The following SLC26A5 variants were observed in gnomAD, a reference collection of about 807,000 sequenced individuals.
SLC26A5 encodes the protein prestin.
SLC26A5 carries 51 observed loss-of-function variants against 81.0 expected under a neutral mutation model. That is an observed-to-expected ratio of 0.63 (90% CI 0.50 to 0.80). SLC26A5 has a LOEUF of 0.80. Among genes scored for constraint, SLC26A5 ranks in the 30% least tolerant of loss-of-function variants. SLC26A5 has a pLI of 0.00. For missense variants in SLC26A5, 771 were observed against 905.8 expected (o/e 0.85, Z 1.91); for synonymous variants, 325 against 332.8 (o/e 0.98, Z 0.25).
At position 103,416,854 on chromosome 7, in the gene SLC26A5, C is replaced by T. The variant is rs1418567269; in HGVS notation, c.293-3742G>A. Among the ~76,000 whole-genome samples, 8 of 152,244 alleles carry T rather than the reference C, an allele frequency of 5.3e-5. No individual in the cohort carries two copies. The South Asian group carries it at 6.2e-4, about 12-fold the overall frequency. On this transcript the variant is annotated intron_variant, in intron 4 of 19. Transcript: ENST00000306312. ...AGATAAGAGCATACTTTCACTCTGA[C>T]ATGCTTAACACAAAATCTTTTTGGT...
rs186902393 is a variant in SLC26A5 at position 103,437,573 on chromosome 7, C to T, written c.-54+5510G>A. 7.2e-4 allele frequency among the ~76,000 whole-genome samples: 109 copies of T among 152,194 alleles called. 1 individual carries two copies. The highest frequency in any genetic ancestry group is 2.6e-3 in the African/African-American group (106 of 41,532). The stretch of plus-strand genomic sequence containing the variant: ...ATGAATGAATAAAGAAAATGTGGTA[C>T]ATAGACACAGTGAAATATGATTCAG... On this transcript the variant is annotated intron_variant, in intron 2 of 19. Transcript: ENST00000306312.
rs530956454 is a variant in SLC26A5 at position 103,412,935 on chromosome 7, C to A, written c.403+67G>T. The A allele has an allele frequency of 2.0e-4, 231 of 1,146,982 alleles. No individual in the cohort carries two copies. The African/African-American group carries it at 3.1e-3, about 15-fold the overall frequency. 71.1% of individuals were successfully genotyped at this position (1,146,982 alleles called of 1,614,324 possible). On this transcript the variant is annotated intron_variant, in intron 5 of 19. Transcript: ENST00000306312. ...ATTTTTAATAATGACCATGCTATTT[C>A]TTTGGCACATTGCAAGGTTGGAAAT...
chr7:103,381,369 C>T (rs1163031466), intron 14 of SLC26A5, among the ~76,000 whole-genome samples: 2 of 150,804 alleles, frequency 1.3e-5, no homozygotes, highest in Admixed American at 1.3e-4. Context: ...CCCCACATAT[C>T]ACATACATAC....
At chr7:103,386,437 C>T (rs1441974403) in intron 14 of SLC26A5, among the ~76,000 whole-genome samples, 1 of 151,644 alleles carries the variant, frequency 6.6e-6, no homozygotes, top group Non-Finnish European at 1.5e-5. Flanking sequence ...CGTGGTGGCA[C>T]GCGCCTGTAG....
rs2116460710 is a variant in SLC26A5, at chr7:103,389,354, A to G, written c.1382T>C (p.Phe461Ser). The change falls in exon 13 of 20, where the codon TTC (phenylalanine) becomes TCC (serine). Residue 461 changes from phenylalanine to serine, a missense_variant. By Grantham distance (155) the Phe-to-Ser change is radical. Transcript: ENST00000306312. ...MFMQFSDLPFFWRTSKIELTI... is the reference protein window; with the variant it reads ...MFMQFSDLPFSWRTSKIELTI... ...CAGCTCTATTTTGCTGGTTCTCCAG[A>G]AAAAGGGGAGATCTGAGAACTGCAT... is the stretch of plus-strand genomic sequence containing the variant. The G allele has an allele frequency of 1.9e-6, 3 of 1,613,696 alleles. No individual in the cohort carries two copies. Among genetic ancestry groups the G allele is most frequent in the East Asian group, 4.5e-5 (2 of 44,882 alleles).
chr7:103,435,606 T>C (rs1305068061), intron 2 of SLC26A5, among the ~76,000 whole-genome samples: 2 of 152,128 alleles, frequency 1.3e-5, no homozygotes, highest in Non-Finnish European at 2.9e-5. Flanking sequence ...GAGAAAAGAT[T>C]TACTCTATGG....
intron 10 of SLC26A5, among the ~76,000 whole-genome samples, chr7:103,392,417 A>C (rs1193516955): frequency 6.6e-6 from 1 of 152,202 alleles, no homozygotes; most frequent in Non-Finnish European, 1.5e-5. Context: ...GGGAGCAAAA[A>C]CGCCCTGGAA....
chr7:103,359,049 T>G (rs2116193272), intron 19 of SLC26A5, among the ~76,000 whole-genome samples: 1 of 149,548 alleles, frequency 6.7e-6, no homozygotes, highest in East Asian at 2.0e-4. Context: ...AGTAACATGA[T>G]CTCAGCTCGC....
chr7:103,368,092 T>A, intron 19 of SLC26A5: 1 of 1,559,090 alleles, frequency 6.4e-7, no homozygotes, highest in South Asian at 1.2e-5. Flanking sequence ...TAAATTGGAA[T>A]CCTAACCTTA....
At chr7:103,374,707 T>A in intron 19 of SLC26A5, 115 bp from the exon 20 acceptor site, 2 of 932,858 alleles carry the variant, frequency 2.1e-6, no homozygotes, top group Non-Finnish European at 3.1e-6. Flanking sequence ...TTTTGTTTCT[T>A]TTTTTTTTTT....
Position 103,389,197 on chromosome 7 carries a change from A to G in SLC26A5, c.1408-83T>C, listed in dbSNP as rs1276366136. 5.8e-6 allele frequency: 7 copies of G among 1,213,770 alleles called. No individual in the cohort carries two copies. In the African/African-American group the frequency reaches 1.0e-4, roughly 18 times the overall value. The allele number at this position is 1,213,770 out of a possible 1,614,324, so 75.2% of individuals were successfully genotyped here. The stretch of plus-strand genomic sequence containing the variant: ...AACACACAAGTGTGCACACACACAC[A>G]TGCTACTTTTACCTTGTCTAACTGG... On this transcript the variant is annotated intron_variant, in intron 13 of 19. Coordinates refer to ENST00000306312, the MANE Select transcript of SLC26A5 (RefSeq NM_198999.3).
chr7:103,436,279 C>T (rs541583939), intron 2 of SLC26A5, among the ~76,000 whole-genome samples: 50 of 152,068 alleles, frequency 3.3e-4, no homozygotes, highest in Admixed American at 1.3e-3. Flanking sequence ...GAGACGAAAG[C>T]GCAAGTTAGG....
chr7:103,408,105 A>G, intron 7 of SLC26A5, 102 bp from the exon 8 acceptor site: 3 of 1,482,242 alleles, frequency 2.0e-6, no homozygotes, highest in South Asian at 2.3e-5. Flanking sequence ...CCGTTATTGG[A>G]TATTTCTAGT....
At chr7:103,438,580 T>C (rs1196164430) in intron 2 of SLC26A5, among the ~76,000 whole-genome samples, 1 of 152,082 alleles carries the variant, frequency 6.6e-6, no homozygotes, top group Non-Finnish European at 1.5e-5. Context: ...CTTGAACTCC[T>C]GACTTCAAGC....
intron 5 of SLC26A5, 137 bp downstream of exon 5, chr7:103,412,864 TA>T: frequency 1.4e-6 from 1 of 697,078 alleles, no homozygotes; most frequent in Non-Finnish European, 2.5e-6. Flanking sequence ...TGTAGGTTTT[TA>T]AAGCACCTAT....
At chr7:103,444,910 A>G (rs545365212) in intron 1 of SLC26A5, among the ~76,000 whole-genome samples, 2 of 152,320 alleles carry the variant, frequency 1.3e-5, no homozygotes, top group South Asian at 4.1e-4. Flanking sequence ...AATTAGAAGG[A>G]ATGCCTGACA....
At chr7:103,437,177 A>T (rs1479337605) in intron 2 of SLC26A5, among the ~76,000 whole-genome samples, 1 of 152,262 alleles carries the variant, frequency 6.6e-6, no homozygotes, top group African/African-American at 2.4e-5. Flanking sequence ...GAGGTACATG[A>T]AAAAATGTCC....
At chr7:103,388,784 T>A in intron 14 of SLC26A5, 1 of 475,858 alleles carries the variant, frequency 2.1e-6, no homozygotes, top group East Asian at 4.5e-5. Flanking sequence ...GATGGGAGCA[T>A]AAATTGTGAC....
At position 103,430,826 on chromosome 7, in the gene SLC26A5, A is replaced by T. The variant is rs189621926; in HGVS notation, c.-53-9259T>A. Among the ~76,000 whole-genome samples, 302 of 152,372 alleles carry T rather than the reference A, an allele frequency of 2.0e-3. 1 individual carries two copies. Among genetic ancestry groups the T allele is most frequent in the Non-Finnish European group, 2.5e-3 (172 of 68,036 alleles). ...TTTAAGTCCATGAAAGGCAGGATGC[A>T]GGTTCCAATTTGCAGCCATGGGCTC... is the stretch of plus-strand genomic sequence containing the variant. On this transcript the variant is annotated intron_variant, in intron 2 of 19. Coordinates refer to ENST00000306312, the MANE Select transcript of SLC26A5 (RefSeq NM_198999.3).
Sources: gnomAD v4.1 joint callset for allele counts (sites outside exome capture counted in the v4.1 genomes callset) on GRCh38, gnomAD v4.1.1 for gene constraint, MANE v1.5 for transcripts, NCBI Gene and HGNC (gene_info 2026-07-23, HGNC 2026-07-21) for gene names.